Variants in FGF13 observed in about 807,000 individuals in gnomAD.
FGF13 encodes the protein fibroblast growth factor homologous factor 2.
FGF13 carries 2 observed loss-of-function variants against 19.5 expected under a neutral mutation model. The ratio of observed to expected loss-of-function variants is 0.10; its 90% CI spans 0.04 to 0.32. FGF13 has a LOEUF of 0.32. Among genes scored for constraint, FGF13 ranks in the 10% least tolerant of loss-of-function variants. The pLI is 1.00. For synonymous variants in FGF13, 72 were observed against 76.9 expected (o/e 0.94, Z 0.33); for missense variants, 113 against 192.7 (o/e 0.59, Z 2.45).
intron 1 of FGF13, among the ~76,000 whole-genome samples, chrX:139,128,568 T>C (rs1196881736): frequency 8.9e-6 from 1 of 112,563 alleles, no homozygotes; most frequent in African/African-American, 3.2e-5. Flanking sequence ...ATATAGCCTC[T>C]GCTTTAGCAT....
chrX:138,984,533 G>A (rs867235673), intron 1 of FGF13, among the ~76,000 whole-genome samples: 2 of 24,677 alleles, frequency 8.1e-5, no homozygotes, highest in Non-Finnish European at 1.5e-4. Context: ...GGAAGAAGAA[G>A]AAGAAGAAGA....
intron 3 of FGF13, among the ~76,000 whole-genome samples, chrX:138,781,316 C>G (rs1467260021): frequency 9.2e-6 from 1 of 108,914 alleles, no homozygotes; most frequent in Admixed American, 9.8e-5. Flanking sequence ...TAACTAAAAT[C>G]AGAGCAGAAC....
At chrX:138,856,764 T>A (rs899920368), downstream of FGF13, among the ~76,000 whole-genome samples, 1 of 112,240 alleles carries the variant, frequency 8.9e-6, no homozygotes, top group Non-Finnish European at 1.9e-5. Flanking sequence ...TTATTTGTAA[T>A]GTGAAAAATA....
chrX:138,775,047 C>A (rs2090577963), intron 3 of FGF13, among the ~76,000 whole-genome samples: 1 of 112,518 alleles, frequency 8.9e-6, no homozygotes, highest in East Asian at 2.8e-4. Flanking sequence ...GCAACCTCCA[C>A]CTCCAAGGTT....
chrX:138,722,860 GAAT>G (rs1387702778), intron 1 of FGF13, among the ~76,000 whole-genome samples: 1 of 111,098 alleles, frequency 9.0e-6, no homozygotes, highest in African/African-American at 3.3e-5. Flanking sequence ...CAACTAACAG[GAAT>G]AATAATAACA....
At chrX:139,107,536 A>G (rs747752659) in intron 1 of FGF13, among the ~76,000 whole-genome samples, 1 of 111,599 alleles carries the variant, frequency 9.0e-6, no homozygotes, top group African/African-American at 3.3e-5. Flanking sequence ...AATATTGTGA[A>G]GAACAGTTCA....
downstream of FGF13, among the ~76,000 whole-genome samples, chrX:138,854,837 T>C (rs886980106): frequency 3.6e-5 from 4 of 111,850 alleles, no homozygotes; most frequent in African/African-American, 1.3e-4. Flanking sequence ...CCCTGTCCAT[T>C]GCCTTCACCT....
intron 3 of FGF13, among the ~76,000 whole-genome samples, chrX:138,784,844 T>C (rs929997632): frequency 8.9e-6 from 1 of 111,875 alleles, no homozygotes; most frequent in Non-Finnish European, 1.9e-5. Context: ...ACATCTGCCT[T>C]GCAAAGCCCC....
chrX:138,717,920 T>C (rs1234013349), intron 1 of FGF13, among the ~76,000 whole-genome samples: 1 of 112,245 alleles, frequency 8.9e-6, no homozygotes, highest in African/African-American at 3.2e-5. Context: ...AGCTAATTGT[T>C]AGTGCTTTTG....
intron 1 of FGF13, among the ~76,000 whole-genome samples, chrX:138,977,098 A>T (rs769614406): frequency 1.8e-5 from 2 of 111,872 alleles, no homozygotes; most frequent in African/African-American, 6.5e-5. Context: ...AATATTAGGA[A>T]TGTAGAGAAG....
chrX:138,808,609 G>A (rs900926087), intron 3 of FGF13, among the ~76,000 whole-genome samples: 2 of 111,173 alleles, frequency 1.8e-5, no homozygotes, highest in African/African-American at 6.5e-5. Flanking sequence ...AACTGAAGGA[G>A]ATAGAGACAC....
chrX:138,657,835 A>T lies in FGF13; in HGVS notation c.403-22180T>A, dbSNP rs760595990. On this transcript the variant is annotated intron_variant, in intron 3 of 4. Transcript: ENST00000315930. Reference sequence around the variant, plus strand: ...TTACTACACTGATGTCAGAAATCACAATCTGAAATATGTCATTGATGTAGA... The same window carrying T: ...TTACTACACTGATGTCAGAAATCACTATCTGAAATATGTCATTGATGTAGA... Among the ~76,000 whole-genome samples the T allele has an allele frequency of 3.6e-5, 4 of 112,319 alleles. No individual in the cohort carries two copies. In the South Asian group the frequency reaches 1.5e-3, roughly 41 times the overall value.
intron 3 of FGF13, among the ~76,000 whole-genome samples, chrX:138,692,251 T>C (rs1169088588): frequency 9.0e-6 from 1 of 111,599 alleles, no homozygotes; most frequent in Non-Finnish European, 1.9e-5. Flanking sequence ...GTTAAAAACA[T>C]ACTTTTGCTA....
At chrX:138,787,603 AC>A (rs920129031) in intron 3 of FGF13, among the ~76,000 whole-genome samples, 1 of 111,731 alleles carries the variant, frequency 9.0e-6, no homozygotes, top group Non-Finnish European at 1.9e-5. Flanking sequence ...CAGGTTTGTT[AC>A]ATGGGTATAC....
intron 1 of FGF13, among the ~76,000 whole-genome samples, chrX:139,074,837 T>C (rs2092387095): frequency 8.9e-6 from 1 of 112,261 alleles, no homozygotes; most frequent in African/African-American, 3.2e-5. Context: ...TATTCTCTTG[T>C]TATGCCTTAG....
At chrX:139,109,347 G>A (rs911226995) in intron 1 of FGF13, among the ~76,000 whole-genome samples, 1 of 111,655 alleles carries the variant, frequency 9.0e-6, no homozygotes, top group Non-Finnish European at 1.9e-5. Context: ...CATGTCACAT[G>A]TGGAGTAAGC....
At chrX:138,793,629 C>T (rs759769815) in intron 3 of FGF13, among the ~76,000 whole-genome samples, 3 of 111,846 alleles carry the variant, frequency 2.7e-5, no homozygotes, top group East Asian at 2.8e-4. Flanking sequence ...TTAACCTATA[C>T]GTGTGAGGGC....
chrX:139,132,884 C>G (rs2083770991), intron 1 of FGF13, among the ~76,000 whole-genome samples: 1 of 111,449 alleles, frequency 9.0e-6, no homozygotes, highest in Non-Finnish European at 1.9e-5. Flanking sequence ...GAAAATACAC[C>G]AGTGTTGCAA....
At chrX:138,736,293 A>T (rs1260209793) in intron 1 of FGF13, among the ~76,000 whole-genome samples, 1 of 112,415 alleles carries the variant, frequency 8.9e-6, no homozygotes, top group Non-Finnish European at 1.9e-5. Flanking sequence ...CAAAAGACAA[A>T]TATAGACTAC....
Sources: gnomAD v4.1 joint callset for allele counts (sites outside exome capture counted in the v4.1 genomes callset) on GRCh38, gnomAD v4.1.1 for gene constraint, MANE v1.5 for transcripts, NCBI Gene and HGNC (gene_info 2026-07-23, HGNC 2026-07-21) for gene names.